The following MYO3B variants were observed in gnomAD, a reference collection of about 807,000 sequenced individuals.
The protein encoded by MYO3B is myosin-IIIb.
A neutral mutation model predicts 174.6 loss-of-function variants in MYO3B; 156 were observed. The observed-to-expected ratio is 0.89, with a 90% CI of 0.78 to 1.02. MYO3B has a LOEUF of 1.02. Among genes scored for constraint, MYO3B ranks in the 50% least tolerant of loss-of-function variants. MYO3B has a pLI of 0.00. For missense variants in MYO3B, 1,632 were observed against 1,639.4 expected (o/e 1.00, Z 0.08); for synonymous variants, 563 against 569.1 (o/e 0.99, Z 0.15).
chr2:170,442,845 T>C (rs899225733), intron 22 of MYO3B, among the ~76,000 whole-genome samples: 4 of 152,244 alleles, frequency 2.6e-5, no homozygotes, highest in African/African-American at 9.6e-5. Context: ...TCCTTTTTTA[T>C]GGCTGCATAG....
intron 6 of MYO3B, among the ~76,000 whole-genome samples, chr2:170,219,400 T>C (rs1324734605): frequency 1.3e-5 from 2 of 152,228 alleles, no homozygotes; most frequent in African/African-American, 2.4e-5. Context: ...TCCCAGCACT[T>C]TGGGAGGCCG....
chr2:170,552,744 G>GA (rs997978201), intron 32 of MYO3B, among the ~76,000 whole-genome samples: 34 of 152,206 alleles, frequency 2.2e-4, no homozygotes, highest in Non-Finnish European at 3.8e-4. Flanking sequence ...CAAAACAATG[G>GA]AAAAAAACTC....
intron 7 of MYO3B, 83 bp downstream of exon 7, chr2:170,236,219 A>G (rs1184444669): frequency 1.9e-5 from 29 of 1,518,336 alleles, no homozygotes; most frequent in Non-Finnish European, 2.5e-5. Flanking sequence ...TTTGCAAGCA[A>G]TTTCTCTCCA....
At chr2:170,568,803 G>A (rs756149185) in intron 32 of MYO3B, among the ~76,000 whole-genome samples, 20 of 152,228 alleles carry the variant, frequency 1.3e-4, no homozygotes, top group Non-Finnish European at 2.4e-4. Flanking sequence ...CCAGAGTGCA[G>A]TGACTGTAGC....
chr2:170,554,479 ACAGATGTGAGAGTGG>A lies in MYO3B; in HGVS notation c.3733+10497_3733+10511del, dbSNP rs202004562. Reference sequence around the variant, plus strand: ...GAGGCGGCTGGAGGGGAAAGTGGCCACAGATGTGAGAGTGGCAGATACAAGCCGCAGAGGTCACAT... The same window carrying A: ...GAGGCGGCTGGAGGGGAAAGTGGCCACAGATACAAGCCGCAGAGGTCACAT... On this transcript the variant is annotated intron_variant, in intron 32 of 34. Transcript: ENST00000408978. Among the ~76,000 whole-genome samples, 945 of 152,328 alleles carry A rather than the reference ACAGATGTGAGAGTGG, an allele frequency of 6.2e-3. 9 individuals carry two copies. Among genetic ancestry groups the A allele is most frequent in the African/African-American group, 0.02 (826 of 41,568 alleles).
chr2:170,404,337 G>A lies in MYO3B; in HGVS notation c.2368G>A (p.Gly790Arg). 1 of 1,613,836 alleles carries A rather than the reference G, an allele frequency of 6.2e-7. No homozygotes were observed. Among genetic ancestry groups the A allele is most frequent in the Non-Finnish European group, 8.5e-7 (1 of 1,179,898 alleles). ...GGACATGTTCCTCCAGAAACCCCTGGGACTGCTTGCACTTTTGGATGAGGA... is the reference window on the plus strand; with the variant it reads ...GGACATGTTCCTCCAGAAACCCCTGAGACTGCTTGCACTTTTGGATGAGGA... The part of the protein sequence containing the change: ...LLDMFLQKPL[G>R]LLALLDEESR... Residue 790 changes from glycine (G) to arginine (R), a missense_variant, in exon 20 of 35, where the codon GGA (glycine) becomes AGA (arginine). Coordinates refer to ENST00000408978, the MANE Select transcript of MYO3B (RefSeq NM_138995.5).
intron 7 of MYO3B, among the ~76,000 whole-genome samples, chr2:170,325,438 C>T (rs1219973146): frequency 3.3e-5 from 5 of 152,180 alleles, no homozygotes; most frequent in African/African-American, 1.2e-4. Context: ...GAACTCCTGA[C>T]CTCAGGTGAT....
intron 7 of MYO3B, among the ~76,000 whole-genome samples, chr2:170,308,252 G>A (rs997072750): frequency 1.3e-5 from 2 of 152,214 alleles, no homozygotes; most frequent in Non-Finnish European, 2.9e-5. Context: ...CATTGCAAAA[G>A]GATGTTGTAA....
intron 7 of MYO3B, among the ~76,000 whole-genome samples, chr2:170,240,099 C>A (rs1376486671): frequency 6.6e-6 from 1 of 152,156 alleles, no homozygotes; most frequent in African/African-American, 2.4e-5. Context: ...TAGGGCTTAT[C>A]CTAATTCAGG....
intron 7 of MYO3B, among the ~76,000 whole-genome samples, chr2:170,269,709 C>T (rs1159072251): frequency 6.6e-6 from 1 of 152,010 alleles, no homozygotes; most frequent in African/African-American, 2.4e-5. Context: ...GGGAAATGGC[C>T]AAACAATTAG....
At chr2:170,482,158 TC>T (rs1444070644) in intron 25 of MYO3B, among the ~76,000 whole-genome samples, 4 of 139,548 alleles carry the variant, frequency 2.9e-5, no homozygotes, top group Non-Finnish European at 6.3e-5. Flanking sequence ...AAGTTCTCTC[TC>T]TTTTTTTTTT....
At chr2:170,304,042 T>C (rs940588677) in intron 7 of MYO3B, among the ~76,000 whole-genome samples, 39 of 152,204 alleles carry the variant, frequency 2.6e-4, no homozygotes, top group Non-Finnish European at 4.0e-4. Context: ...GCATTTTGGT[T>C]CTTTCCCTTT....
intron 25 of MYO3B, among the ~76,000 whole-genome samples, chr2:170,474,853 G>T (rs1356230028): frequency 1.4e-5 from 2 of 147,308 alleles, no homozygotes; most frequent in Non-Finnish European, 3.0e-5. Context: ...GTTCAGAAAG[G>T]TTCACCTTAG....
chr2:170,207,959 G>A (rs11898600), intron 3 of MYO3B, among the ~76,000 whole-genome samples: 1 of 151,944 alleles, frequency 6.6e-6, no homozygotes, highest in African/African-American at 2.4e-5. Context: ...TTAAAAGGGA[G>A]TCTGGGGGTG....
intron 1 of MYO3B, among the ~76,000 whole-genome samples, chr2:170,193,818 CTTGG>C (rs1202149029): frequency 6.6e-6 from 1 of 151,874 alleles, no homozygotes; most frequent in African/African-American, 2.4e-5. Flanking sequence ...TGTCTTTTTG[CTTGG>C]TTACCTTAAT....
At chr2:170,366,312 G>GT (rs914184031) in intron 8 of MYO3B, among the ~76,000 whole-genome samples, 134 of 151,726 alleles carry the variant, frequency 8.8e-4, no homozygotes, top group African/African-American at 2.9e-3. Flanking sequence ...TTTTGTTTTT[G>GT]TTTTTTTGAG....
intron 16 of MYO3B, among the ~76,000 whole-genome samples, chr2:170,397,547 A>G (rs893265146): frequency 6.6e-6 from 1 of 152,232 alleles, no homozygotes; most frequent in Non-Finnish European, 1.5e-5. Flanking sequence ...TCTTTTTACC[A>G]TTAATGATAC....
intron 7 of MYO3B, among the ~76,000 whole-genome samples, chr2:170,239,826 C>A (rs1258703901): frequency 6.6e-6 from 1 of 152,178 alleles, no homozygotes. Flanking sequence ...AGCGAATGAC[C>A]ACAAACTCGG....
intron 9 of MYO3B, among the ~76,000 whole-genome samples, chr2:170,375,523 T>C (rs79609791): frequency 4.1e-5 from 6 of 147,842 alleles, no homozygotes; most frequent in Admixed American, 6.8e-5. Flanking sequence ...TTTTTTTTTT[T>C]CTGCTCTGTT....
Sources: allele counts gnomAD v4.1 joint callset (sites outside exome capture counted in the v4.1 genomes callset), GRCh38; gene constraint gnomAD v4.1.1; transcripts MANE v1.5; gene names NCBI Gene and HGNC (gene_info 2026-07-23, HGNC 2026-07-21).